Variants in ELP1 observed in about 807,000 individuals in gnomAD.
ELP1 encodes elongator acetyltransferase complex subunit 1, also known as elongator complex protein 1.
A neutral mutation model predicts 183.2 loss-of-function variants in ELP1; 131 were observed. The ratio of observed to expected loss-of-function variants is 0.72; its 90% confidence interval spans 0.62 to 0.83. The LOEUF (loss-of-function observed/expected upper bound fraction) is 0.83. Ranked by LOEUF, ELP1 falls within the 40% of genes least tolerant of loss-of-function variation. ELP1 has a pLI of 0.00. For synonymous variants in ELP1, 555 were observed against 569.0 expected (o/e 0.98, Z 0.35); for missense variants, 1,550 against 1,594.9 (o/e 0.97, Z 0.48).
chr9:108,870,905 C>T (rs10759324), intron 36 of ELP1, among the ~76,000 whole-genome samples: 94,415 of 151,110 alleles, frequency 0.62, 31,550 homozygotes, highest in African/African-American at 0.89. Flanking sequence ...TTAATTCCTC[C>T]GGTGTGATGT....
In ELP1 at chr9:108,868,800, T is replaced by C. The variant is rs1293638724; in HGVS notation, c.*315A>G. 4 of 576,612 alleles carry C rather than the reference T, an allele frequency of 6.9e-6. No individual in the cohort carries two copies. The Admixed American group carries it at 1.2e-4, about 18-fold the overall frequency. 35.7% of individuals were successfully genotyped at this position (576,612 alleles called of 1,614,324 possible). A position where few individuals can be genotyped will look rare whatever the true frequency, so the allele number is the denominator to read the frequency against. On this transcript the variant is annotated 3_prime_UTR_variant, in exon 37 of 37. Coordinates refer to ENST00000374647, the MANE Select transcript of ELP1 (RefSeq NM_003640.5). ...TTTACTTGTCTTCACACTTTGGAGG[T>C]AGAAATCATGAAACATTAATCTCAT...
chr9:108,898,694 G>T lies in ELP1; in HGVS notation c.2260C>A (p.Leu754Met), dbSNP rs1188684991. 6.2e-7 allele frequency: 1 copy of T among 1,612,636 alleles called. No individual in the cohort carries two copies. Among genetic ancestry groups the T allele is most frequent in the Non-Finnish European group, 8.5e-7 (1 of 1,179,046 alleles). The change falls in exon 21 of 37, where the codon CTG (leucine) becomes ATG (methionine). Residue 754 changes from leucine (L) to methionine (M), a missense_variant. Coordinates refer to ENST00000374647, the MANE Select transcript of ELP1 (RefSeq NM_003640.5). ...ACCTTAGGGTTATGATCATAAATCA[G>T]ATTGAGATTGATTCTCAGCTTTCTC... ...CMRKLRINLN[L>M]IYDHNPKVFL...
chr9:108,883,171 G>A (rs1043383252), intron 29 of ELP1, among the ~76,000 whole-genome samples: 3 of 151,954 alleles, frequency 2.0e-5, no homozygotes, highest in Non-Finnish European at 4.4e-5. Flanking sequence ...TTATAGTTTC[G>A]TTCTGGTTTT....
At chr9:108,889,890 A>T (rs1262881345) in intron 28 of ELP1, among the ~76,000 whole-genome samples, 3 of 152,248 alleles carry the variant, frequency 2.0e-5, no homozygotes, top group Non-Finnish European at 4.4e-5. Context: ...CACTAAAAAA[A>T]GTAGGTAAAA....
In ELP1 at chr9:108,906,357, T is replaced by C. The variant is rs773725155; in HGVS notation, c.1589A>G (p.His530Arg). 2.5e-6 allele frequency: 4 copies of C among 1,614,124 alleles called. No individual in the cohort carries two copies. The South Asian group carries it at 3.3e-5, about 13-fold the overall frequency. The change falls in exon 14 of 37, where the codon CAT becomes CGT. Residue 530 changes from histidine (H) to arginine (R), a missense_variant. Physicochemically the swap from His to Arg is conservative, Grantham distance 29. Coordinates refer to ENST00000374647, the MANE Select transcript of ELP1 (RefSeq NM_003640.5). ...CATCTCAGAAGAAGCTGCAGTCAAATGGTGAATGACAGACCGGGGGCTGAA... is the reference window on the plus strand; with the variant it reads ...CATCTCAGAAGAAGCTGCAGTCAAACGGTGAATGACAGACCGGGGGCTGAA... ...SEFSPRSVIH[H>R]LTAASSEMDE...
intron 2 of ELP1, 44 bp downstream of exon 2, chr9:108,930,953 C>A (rs1377674744): frequency 3.7e-6 from 6 of 1,602,496 alleles, no homozygotes; most frequent in South Asian, 1.1e-5. Context: ...GAAGAGAAAT[C>A]AAGGGTCATA....
At chr9:108,916,395 A>C (rs1829435133) in intron 9 of ELP1, 98 bp from the exon 10 acceptor site, 6 of 955,972 alleles carry the variant, frequency 6.3e-6, no homozygotes, top group South Asian at 1.3e-5. Flanking sequence ...AAATAATCCC[A>C]CTACCTGAGC....
chr9:108,910,158 A>G (rs1339029294), intron 12 of ELP1, among the ~76,000 whole-genome samples: 1 of 152,160 alleles, frequency 6.6e-6, no homozygotes, highest in Non-Finnish European at 1.5e-5. Context: ...ACATATTTGC[A>G]CTTTTTTTTA....
chr9:108,925,065 C>T (rs905994898), intron 5 of ELP1, among the ~76,000 whole-genome samples: 2 of 152,182 alleles, frequency 1.3e-5, no homozygotes, highest in East Asian at 3.9e-4. Flanking sequence ...ATGATTCCTG[C>T]TTCTAGCCCC....
intron 29 of ELP1, among the ~76,000 whole-genome samples, chr9:108,888,678 G>A (rs1828214785): frequency 1.3e-5 from 2 of 152,042 alleles, no homozygotes; most frequent in Non-Finnish European, 2.9e-5. Context: ...TATTACACAA[G>A]AGACAATTAA....
At chr9:108,904,245 AT>A (rs57450962) in intron 14 of ELP1, among the ~76,000 whole-genome samples, 24,963 of 132,122 alleles carry the variant, frequency 0.19, 2,199 homozygotes, top group African/African-American at 0.31. Flanking sequence ...AAATTTCACT[AT>A]TTTTTTTTTT....
intron 36 of ELP1, among the ~76,000 whole-genome samples, chr9:108,872,362 C>A (rs1827489081): frequency 6.6e-6 from 1 of 152,132 alleles, no homozygotes; most frequent in African/African-American, 2.4e-5. Flanking sequence ...AATACTACAT[C>A]TTTATGTTTG....
At chr9:108,902,420 G>A (rs1337256206) in intron 16 of ELP1, among the ~76,000 whole-genome samples, 1 of 152,174 alleles carries the variant, frequency 6.6e-6, no homozygotes, top group East Asian at 1.9e-4. Flanking sequence ...ACAAGTTCCA[G>A]AAGAGCAGGA....
In ELP1 at chr9:108,881,752, T is replaced by C. The variant is rs758999777; in HGVS notation, c.3299A>G (p.Asn1100Ser). Residue 1100 changes from asparagine to serine, a missense_variant, in exon 31 of 37, where the codon AAC becomes AGC. Coordinates refer to ENST00000374647, the MANE Select transcript of ELP1 (RefSeq NM_003640.5). ...GTTGGTTTCTATAATATCCAGTCTG[T>C]TATATTTGTATACCTAGAAGGAAAA... ...EEALRLVYKY[N>S]RLDIIETNVK... The C allele has an allele frequency of 2.5e-6, 4 of 1,572,342 alleles. 1 individual carries two copies. In the South Asian group the frequency reaches 4.4e-5, roughly 17 times the overall value.
rs1322808220 is a variant in ELP1 at position 108,896,899 on chromosome 9, G to C, written c.2587+54C>G. ...GACATGGTGATTGTCACCTGCAGAA[G>C]ACTAGTAGCAGTCACGGCCACCTTA... On this transcript the variant is annotated intron_variant, in intron 24 of 36. Coordinates refer to ENST00000374647, the MANE Select transcript of ELP1 (RefSeq NM_003640.5). 7.7e-6 allele frequency: 11 copies of C among 1,436,584 alleles called. No homozygotes were observed. In the Middle Eastern group the frequency reaches 7.0e-4, roughly 91 times the overall value. The allele number at this position is 1,436,584 out of a possible 1,614,324, so 89.0% of individuals were successfully genotyped here. A position where few individuals can be genotyped will look rare whatever the true frequency, so the allele number is the denominator to read the frequency against.
In ELP1 at chr9:108,880,058, C is replaced by T. The variant is rs771838754; in HGVS notation, c.3454G>A (p.Gly1152Ser). ...CCTTCACGCAGATACTCACCCAGAC[C>T]TGCCTGCTGGGCTTGCTCCTTGAGC... ...RELKEQAQQA[G>S]LDDEVPHGQE... Residue 1152 changes from glycine (G) to serine (S), a missense_variant, in exon 32 of 37, where the codon GGT (glycine) becomes AGT (serine). Physicochemically the swap from Gly to Ser is moderately conservative, Grantham distance 56. Transcript: ENST00000374647. 40 of 1,610,732 alleles carry T rather than the reference C, an allele frequency of 2.5e-5. No homozygotes were observed. In the South Asian group the frequency reaches 4.3e-4, roughly 17 times the overall value.
At chr9:108,909,826 G>A (rs1041700475) in intron 12 of ELP1, among the ~76,000 whole-genome samples, 7 of 152,242 alleles carry the variant, frequency 4.6e-5, no homozygotes, top group African/African-American at 1.7e-4. Flanking sequence ...ATCACAGGGA[G>A]TTTTCTCTCA....
Position 108,931,184 on chromosome 9 carries a change from T to C in ELP1, c.-38A>G, listed in dbSNP as rs768298252. The C allele has an allele frequency of 1.3e-6, 2 of 1,591,952 alleles. No homozygotes were observed. The highest frequency in any genetic ancestry group is 1.7e-6 in the Non-Finnish European group (2 of 1,159,910). On this transcript the variant is annotated 5_prime_UTR_variant, in exon 2 of 37. Transcript: ENST00000374647. Reference sequence around the variant, plus strand: ...CCCACGAGACAAGTACAACTATCCCTTGATGAATCATTAATCTCTAAGAGA... The same window carrying C: ...CCCACGAGACAAGTACAACTATCCCCTGATGAATCATTAATCTCTAAGAGA...
chr9:108,905,872 C>T (rs914823508), intron 14 of ELP1, among the ~76,000 whole-genome samples: 1 of 126,798 alleles, frequency 7.9e-6, no homozygotes, highest in Non-Finnish European at 1.6e-5. Flanking sequence ...TATGTATACA[C>T]ACACACACAC....
Sources: gnomAD v4.1 joint callset for allele counts (sites outside exome capture counted in the v4.1 genomes callset) on GRCh38, gnomAD v4.1.1 for gene constraint, MANE v1.5 for transcripts, NCBI Gene and HGNC (gene_info 2026-07-23, HGNC 2026-07-21) for gene names.